The following BRD10 variants were observed in gnomAD, a reference collection of about 807,000 sequenced individuals.
BRD10 encodes bromodomain containing 10.
chr9:5,981,416 GA>G, the BRD10 span, among the ~76,000 whole-genome samples: 4 of 152,124 alleles, frequency 2.6e-5, no homozygotes, highest in Admixed American at 6.5e-5. Context: ...AACCCTCTTT[GA>G]AATATCCTAA....
the BRD10 span, among the ~76,000 whole-genome samples, chr9:5,890,310 T>C: frequency 1.3e-5 from 2 of 152,248 alleles, no homozygotes; most frequent in African/African-American, 4.8e-5. Flanking sequence ...TTTTAGTGTA[T>C]ATGTCCCATA....
chr9:5,981,769 C>T, the BRD10 span, among the ~76,000 whole-genome samples: 1 of 152,126 alleles, frequency 6.6e-6, no homozygotes, highest in African/African-American at 2.4e-5. Context: ...AAAATGGATA[C>T]ACTGAAATAC....
the BRD10 span, among the ~76,000 whole-genome samples, chr9:5,889,733 T>C: frequency 6.6e-6 from 1 of 151,968 alleles, no homozygotes; most frequent in Non-Finnish European, 1.5e-5. Flanking sequence ...TGTAGTGAGC[T>C]GAGATCCTGC....
At chr9:5,944,455 C>T in the BRD10 span, among the ~76,000 whole-genome samples, 17 of 151,864 alleles carry the variant, frequency 1.1e-4, no homozygotes, top group Non-Finnish European at 1.8e-4. Context: ...CAAAATTATC[C>T]GGGGCAGTAT....
the BRD10 span, among the ~76,000 whole-genome samples, chr9:5,879,465 A>G: frequency 6.6e-6 from 1 of 152,100 alleles, no homozygotes; most frequent in Non-Finnish European, 1.5e-5. Flanking sequence ...GCTGGCAGGC[A>G]TTGTCCCCTT....
At chr9:5,906,337 AAAAAAG>A in the BRD10 span, among the ~76,000 whole-genome samples, 14 of 150,276 alleles carry the variant, frequency 9.3e-5, no homozygotes, top group East Asian at 3.9e-4. Context: ...CTCAAAAAAA[AAAAAAG>A]AAAAGAAAAG....
the BRD10 span, chr9:5,909,008 T>C: frequency 2.8e-6 from 1 of 357,444 alleles, no homozygotes. Context: ...AGAATTCAAG[T>C]GGGTATTCTG....
chr9:5,914,452 C>A, the BRD10 span, among the ~76,000 whole-genome samples: 7 of 103,672 alleles, frequency 6.8e-5, no homozygotes, highest in African/African-American at 2.6e-4. Flanking sequence ...GAGACGGAGT[C>A]TCACTCTGTC....
the BRD10 span, chr9:5,922,432 C>A: frequency 6.2e-7 from 1 of 1,613,910 alleles, no homozygotes; most frequent in Non-Finnish European, 8.5e-7. Context: ...AGGTTACAGG[C>A]GACAAAGGCT....
the BRD10 span, chr9:5,919,515 G>C: frequency 1.8e-6 from 1 of 559,266 alleles, no homozygotes; most frequent in Non-Finnish European, 2.9e-6. Flanking sequence ...ACAAAGCCTT[G>C]TTGCAAGCTA....
At chr9:5,995,245 A>G in the BRD10 span, among the ~76,000 whole-genome samples, 2 of 152,210 alleles carry the variant, frequency 1.3e-5, no homozygotes, top group African/African-American at 4.8e-5. Flanking sequence ...ACTTTCTCGC[A>G]GGTGACTGCC....
the BRD10 span, among the ~76,000 whole-genome samples, chr9:5,998,652 C>T: frequency 0.89 from 134,777 of 152,042 alleles, 60,785 homozygotes; most frequent in Non-Finnish European, 0.99. Flanking sequence ...TACATGTGTA[C>T]ATATGAGATA....
the BRD10 span, among the ~76,000 whole-genome samples, chr9:5,977,304 T>C: frequency 1.3e-5 from 2 of 152,196 alleles, no homozygotes; most frequent in Non-Finnish European, 2.9e-5. Context: ...TTATGGAATC[T>C]AGCCTCAGAC....
the BRD10 span, among the ~76,000 whole-genome samples, chr9:5,951,955 C>A: frequency 6.6e-6 from 1 of 152,012 alleles, no homozygotes; most frequent in African/African-American, 2.4e-5. Context: ...CTTCTTCCCT[C>A]TCTGTTTTCT....
the BRD10 span, among the ~76,000 whole-genome samples, chr9:5,991,168 G>T: frequency 3.1e-4 from 12 of 38,134 alleles, no homozygotes; most frequent in Admixed American, 1.4e-3. Context: ...TGTGTGTTTT[G>T]TGTGTGTGTG....
chr9:5,930,413 G>C, the BRD10 span, among the ~76,000 whole-genome samples: 1 of 133,642 alleles, frequency 7.5e-6, no homozygotes, highest in Non-Finnish European at 1.6e-5. Context: ...AATTTGTCAT[G>C]AAAATTTTAG....
the BRD10 span, among the ~76,000 whole-genome samples, chr9:5,929,777 G>A: frequency 6.6e-6 from 1 of 152,062 alleles, no homozygotes; most frequent in Non-Finnish European, 1.5e-5. Context: ...TCTAGAGAGA[G>A]CTCTAGCATT....
the BRD10 span, among the ~76,000 whole-genome samples, chr9:5,989,235 T>TAAAAAAAA: frequency 6.5e-5 from 3 of 46,164 alleles, no homozygotes; most frequent in Non-Finnish European, 1.1e-4. Flanking sequence ...TCTGTCTCAT[T>TAAAAAAAA]AAAAAAAAAA....
At chr9:5,906,993 C>T in the BRD10 span, 2 of 1,587,680 alleles carry the variant, frequency 1.3e-6, no homozygotes, top group Non-Finnish European at 1.7e-6. Context: ...AAACTGTGAA[C>T]CTGTGGTAGG....
Sources: gnomAD v4.1 joint callset for allele counts (sites outside exome capture counted in the v4.1 genomes callset) on GRCh38, gnomAD v4.1.1 for gene constraint, MANE v1.5 for transcripts, NCBI Gene and HGNC (gene_info 2026-07-23, HGNC 2026-07-21) for gene names.